The following CACNA2D1 variants were observed in gnomAD, a reference collection of about 807,000 sequenced individuals.
The protein encoded by CACNA2D1 is voltage-dependent calcium channel subunit alpha-2/delta-1.
Under a neutral mutation model 171.5 loss-of-function variants are expected in CACNA2D1, and 53 were observed. The observed-to-expected ratio is 0.31, with a 90% CI of 0.25 to 0.39. The LOEUF (loss-of-function observed/expected upper bound fraction) is 0.39. Ranked by LOEUF, CACNA2D1 falls within the 10% of genes least tolerant of loss-of-function variation. The probability of loss-of-function intolerance (pLI) is 1.00; values close to 1 mark genes in which losing one functional copy is unlikely to be tolerated. For synonymous variants in CACNA2D1, 442 were observed against 443.1 expected, an observed-to-expected ratio of 1.00 and a Z score of 0.03; for missense variants, 903 against 1,299.8, an observed-to-expected ratio of 0.69 and a Z score of 4.69.
chr7:82,382,221 C>A (rs1025749891), intron 1 of CACNA2D1, among the ~76,000 whole-genome samples: 1 of 152,134 alleles, frequency 6.6e-6, no homozygotes, highest in African/African-American at 2.4e-5. Context: ...AAGGAAATTT[C>A]CTGATTTTCT....
intron 1 of CACNA2D1, among the ~76,000 whole-genome samples, chr7:82,393,546 T>C (rs28499416): frequency 0.012 from 1,877 of 152,316 alleles, 32 homozygotes; most frequent in African/African-American, 0.042. Flanking sequence ...ATATAAAAGA[T>C]GCAGTTTCTC....
chr7:82,350,468 A>G (rs1819728369), intron 1 of CACNA2D1, among the ~76,000 whole-genome samples: 1 of 152,164 alleles, frequency 6.6e-6, no homozygotes, highest in South Asian at 2.1e-4. Context: ...GATTGACACC[A>G]TCCTGGCTAA....
At chr7:81,951,969 GTTTTTT>G (rs774805421) in intron 38 of CACNA2D1, among the ~76,000 whole-genome samples, 84 of 71,908 alleles carry the variant, frequency 1.2e-3, no homozygotes, top group African/African-American at 4.9e-3. Context: ...TGTACAAAGT[GTTTTTT>G]TTTTTTTTTT....
intron 1 of CACNA2D1, among the ~76,000 whole-genome samples, chr7:82,398,891 T>A (rs775861436): frequency 4.8e-5 from 6 of 125,950 alleles, no homozygotes; most frequent in Admixed American, 3.0e-4. Flanking sequence ...ATTCTCCCCT[T>A]TTTTTTTCCT....
chr7:82,148,613 T>C (rs1168937337), intron 4 of CACNA2D1, among the ~76,000 whole-genome samples: 1 of 152,170 alleles, frequency 6.6e-6, no homozygotes, highest in Non-Finnish European at 1.5e-5. Flanking sequence ...CCAGCTTCCC[T>C]GCTTCATGTC....
intron 3 of CACNA2D1, among the ~76,000 whole-genome samples, chr7:82,255,445 G>C (rs1438818050): frequency 1.3e-5 from 2 of 152,162 alleles, no homozygotes; most frequent in Non-Finnish European, 2.9e-5. Flanking sequence ...AATATGTCAT[G>C]TGAGAAAGAA....
At chr7:82,132,235 A>T (rs1791077876) in intron 5 of CACNA2D1, among the ~76,000 whole-genome samples, 1 of 152,232 alleles carries the variant, frequency 6.6e-6, no homozygotes, top group African/African-American at 2.4e-5. Context: ...TATTTAAAAG[A>T]TAATAGTCAC....
chr7:81,968,153 GAGTA>G (rs1794903854), intron 29 of CACNA2D1, among the ~76,000 whole-genome samples: 2 of 151,120 alleles, frequency 1.3e-5, no homozygotes, highest in Non-Finnish European at 3.0e-5. Flanking sequence ...GTGAGTTAGT[GAGTA>G]AGTGATGGAG....
At chr7:82,220,687 A>C (rs1801645345) in intron 3 of CACNA2D1, among the ~76,000 whole-genome samples, 2 of 152,148 alleles carry the variant, frequency 1.3e-5, no homozygotes, top group East Asian at 3.8e-4. Flanking sequence ...AAAACAAATA[A>C]ATATTTTAAT....
intron 38 of CACNA2D1, among the ~76,000 whole-genome samples, chr7:81,951,975 T>TTTTTTTTTTTTTTGTTTG (rs1792617514): frequency 2.7e-5 from 4 of 147,376 alleles, no homozygotes; most frequent in African/African-American, 1.0e-4. Context: ...AAGTGTTTTT[T>TTTTTTTTTTTTTTGTTTG]TTTTTTTTTT....
chr7:82,126,662 T>C (rs550011365), intron 5 of CACNA2D1, among the ~76,000 whole-genome samples: 1 of 152,332 alleles, frequency 6.6e-6, no homozygotes, highest in South Asian at 2.1e-4. Context: ...TCTGAATTCC[T>C]TTCTCAGGAA....
chr7:82,203,189 G>A (rs1308145595), intron 3 of CACNA2D1, among the ~76,000 whole-genome samples: 1 of 152,090 alleles, frequency 6.6e-6, no homozygotes, highest in African/African-American at 2.4e-5. Flanking sequence ...GCTGACAATC[G>A]ACTTGTACCC....
At chr7:82,246,022 T>C (rs1281156981) in intron 3 of CACNA2D1, among the ~76,000 whole-genome samples, 1 of 152,052 alleles carries the variant, frequency 6.6e-6, no homozygotes, top group Non-Finnish European at 1.5e-5. Flanking sequence ...AATCCCTTCA[T>C]AGACCTAAAC....
intron 25 of CACNA2D1, among the ~76,000 whole-genome samples, 167 bp from the exon 26 acceptor site, chr7:81,972,031 TCA>T (rs879591384): frequency 4.6e-5 from 7 of 151,676 alleles, no homozygotes; most frequent in Non-Finnish European, 1.0e-4. Context: ...TCATCTTGCC[TCA>T]CAGTTTTTCA....
At chr7:82,064,626 A>G (rs1235840834) in intron 8 of CACNA2D1, among the ~76,000 whole-genome samples, 2 of 152,196 alleles carry the variant, frequency 1.3e-5, no homozygotes, top group Non-Finnish European at 2.9e-5. Context: ...TAACTTTGAG[A>G]AGAACATTTT....
chr7:82,073,738 T>G (rs1487929143), intron 7 of CACNA2D1, among the ~76,000 whole-genome samples: 1 of 152,094 alleles, frequency 6.6e-6, no homozygotes, highest in Non-Finnish European at 1.5e-5. Context: ...GTAGCTGGGA[T>G]TACAGGTGCC....
intron 3 of CACNA2D1, among the ~76,000 whole-genome samples, chr7:82,227,460 T>C (rs948991946): frequency 1.1e-4 from 16 of 152,344 alleles, no homozygotes; most frequent in African/African-American, 3.8e-4. Flanking sequence ...ATCAGATTAG[T>C]GATTAGTTTA....
At chr7:82,216,338 C>A (rs1179435222) in intron 3 of CACNA2D1, among the ~76,000 whole-genome samples, 1 of 152,162 alleles carries the variant, frequency 6.6e-6, no homozygotes, top group African/African-American at 2.4e-5. Context: ...AGAACAAAGG[C>A]ATGACTTTGC....
chr7:82,247,881 T>C (rs1394816847), intron 3 of CACNA2D1, among the ~76,000 whole-genome samples: 2 of 152,188 alleles, frequency 1.3e-5, no homozygotes, highest in East Asian at 3.9e-4. Flanking sequence ...ACGGGCGAAG[T>C]CCCTTAGCCT....
Sources: allele counts gnomAD v4.1 joint callset (sites outside exome capture counted in the v4.1 genomes callset), GRCh38; gene constraint gnomAD v4.1.1; transcripts MANE v1.5; gene names NCBI Gene and HGNC (gene_info 2026-07-23, HGNC 2026-07-21).